The following WDR41 variants were observed in gnomAD, a reference collection of about 807,000 sequenced individuals.
WDR41 encodes WD repeat-containing protein 41.
Under a neutral mutation model 69.3 loss-of-function variants are expected in WDR41, and 63 were observed. The observed-to-expected ratio is 0.91, with a 90% CI of 0.74 to 1.12. WDR41 has a LOEUF of 1.12. Among genes scored for constraint, WDR41 ranks in the 50% most tolerant of loss-of-function variants. The pLI is 0.00. For missense variants in WDR41, 543 were observed against 534.5 expected, an observed-to-expected ratio of 1.02 and a Z score of -0.16; for synonymous variants, 185 against 192.1, an observed-to-expected ratio of 0.96 and a Z score of 0.31.
chr5:77,432,685 A>T lies in WDR41; in HGVS notation c.*450T>A, dbSNP rs16874264. On this transcript the variant is annotated 3_prime_UTR_variant, in exon 13 of 13. Transcript: ENST00000296679. ...GTATATATGTTCCCTTTTTTGGCTG[A>T]GAGATTCAAGTTTGTGCTATATAGA... 0.055 allele frequency: 8,452 copies of T among 152,720 alleles called. 754 individuals are homozygous for T. The highest frequency in any genetic ancestry group is 0.19 in the African/African-American group (7,797 of 41,528). 9.5% of individuals were successfully genotyped at this position (152,720 alleles called of 1,614,324 possible). A position where few individuals can be genotyped will look rare whatever the true frequency, so the allele number is the denominator to read the frequency against.
upstream of WDR41, among the ~76,000 whole-genome samples, chr5:77,495,860 A>G (rs1343819243): frequency 1.3e-5 from 2 of 152,216 alleles, no homozygotes; most frequent in East Asian, 3.9e-4. Flanking sequence ...AGATGAAAAA[A>G]ATCTTTGACA....
chr5:77,571,530 C>T (rs1743732261), intron 1 of WDR41, among the ~76,000 whole-genome samples: 2 of 152,124 alleles, frequency 1.3e-5, no homozygotes, highest in African/African-American at 4.8e-5. Context: ...TCCCAAGTTT[C>T]CTCAGCTAGC....
At chr5:77,610,677 A>T (rs1448338224) in intron 1 of WDR41, among the ~76,000 whole-genome samples, 1 of 152,246 alleles carries the variant, frequency 6.6e-6, no homozygotes, top group South Asian at 2.1e-4. Context: ...GAAAGGAACA[A>T]CCAGTACAAG....
chr5:77,557,884 A>C (rs778872337), intron 1 of WDR41, among the ~76,000 whole-genome samples: 4 of 152,208 alleles, frequency 2.6e-5, no homozygotes, highest in Non-Finnish European at 4.4e-5. Context: ...TTATAGTAGA[A>C]GCAATGAAGT....
intron 1 of WDR41, among the ~76,000 whole-genome samples, chr5:77,522,427 G>T (rs558155257): frequency 1.3e-5 from 2 of 152,194 alleles, no homozygotes; most frequent in South Asian, 2.1e-4. Flanking sequence ...GGATCACAAG[G>T]TCAGGAGATT....
chr5:77,517,327 T>A (rs1387872451), intron 1 of WDR41, among the ~76,000 whole-genome samples: 1 of 152,050 alleles, frequency 6.6e-6, no homozygotes, highest in East Asian at 1.9e-4. Flanking sequence ...ACAAATCTCA[T>A]CAACTTCTAA....
At chr5:77,515,280 G>C (rs1452109285) in intron 1 of WDR41, among the ~76,000 whole-genome samples, 1 of 151,516 alleles carries the variant, frequency 6.6e-6, no homozygotes, top group African/African-American at 2.4e-5. Flanking sequence ...AAATGTTTTT[G>C]TTAAAAACTA....
At chr5:77,458,943 G>A in intron 5 of WDR41, 119 bp downstream of exon 5, 1 of 666,716 alleles carries the variant, frequency 1.5e-6, no homozygotes, top group Non-Finnish European at 2.6e-6. Context: ...ATGACTACAA[G>A]TGTGTGGAAA....
rs1302388241 is a variant in WDR41, at chr5:77,433,049, A to C, written c.*86T>G. On this transcript the variant is annotated 3_prime_UTR_variant, in exon 13 of 13. Coordinates refer to ENST00000296679, the MANE Select transcript of WDR41 (RefSeq NM_018268.4). ...GACTGACAAAAAAAATTACCAATTT[A>C]AGTGATCAATATATTAATGGTTTTC... 7.3e-7 allele frequency: 1 copy of C among 1,373,974 alleles called. No individual in the cohort carries two copies. Among genetic ancestry groups the C allele is most frequent in the Middle Eastern group, 2.6e-4 (1 of 3,818 alleles). The allele number at this position is 1,373,974 out of a possible 1,614,324, so 85.1% of individuals were successfully genotyped here. A position where few individuals can be genotyped will look rare whatever the true frequency, so the allele number is the denominator to read the frequency against.
chr5:77,436,610 C>T (rs1798945055), intron 11 of WDR41, among the ~76,000 whole-genome samples: 1 of 152,166 alleles, frequency 6.6e-6, no homozygotes, highest in Admixed American at 6.5e-5. Context: ...TGCCCCTAGT[C>T]ACCCACTGGT....
chr5:77,597,996 G>A (rs773123747), intron 1 of WDR41, among the ~76,000 whole-genome samples: 1 of 152,082 alleles, frequency 6.6e-6, no homozygotes, highest in East Asian at 1.9e-4. Context: ...AATGAAATTG[G>A]GCAGTGACTT....
intron 2 of WDR41, among the ~76,000 whole-genome samples, chr5:77,478,145 T>C (rs1218434066): frequency 2.0e-5 from 3 of 152,178 alleles, no homozygotes; most frequent in African/African-American, 4.8e-5. Flanking sequence ...AATCTCTGAA[T>C]AGACCAATAA....
chr5:77,567,308 C>T (rs1743651648), intron 1 of WDR41, among the ~76,000 whole-genome samples: 1 of 152,134 alleles, frequency 6.6e-6, no homozygotes, highest in Admixed American at 6.6e-5. Flanking sequence ...AAGTGACTGG[C>T]TTGCATTTCA....
intron 1 of WDR41, among the ~76,000 whole-genome samples, chr5:77,497,744 G>A (rs1371671953): frequency 2.0e-5 from 3 of 152,030 alleles, no homozygotes; most frequent in Non-Finnish European, 2.9e-5. Flanking sequence ...TCCACCTCTA[G>A]GCATATATCT....
chr5:77,528,454 C>G (rs1247164032), intron 1 of WDR41, among the ~76,000 whole-genome samples: 1 of 151,566 alleles, frequency 6.6e-6, no homozygotes, highest in East Asian at 1.9e-4. Flanking sequence ...ACCAAACAGT[C>G]AAGGAAGAAA....
At chr5:77,474,431 TA>T (rs201227154) in intron 2 of WDR41, among the ~76,000 whole-genome samples, 9,869 of 152,020 alleles carry the variant, frequency 0.065, 578 homozygotes, top group African/African-American at 0.15. Flanking sequence ...AAACTTAAAG[TA>T]TAACAACAAA....
Position 77,546,303 on chromosome 5 carries a change from GA to G in WDR41, c.43-56732del, listed in dbSNP as rs984268914. The G allele has an allele frequency of 2.0e-3, 500 of 247,568 alleles. 1 individual carries two copies. The highest frequency in any genetic ancestry group is 2.6e-3 in the Middle Eastern group (2 of 778). 15.3% of individuals were successfully genotyped at this position (247,568 alleles called of 1,614,324 possible). ...AAGAAAAATAAAGTGAATGAAGCTTGAAAAAAAAAAGATAAATCAAACAAAA... is the reference window on the plus strand; with the variant it reads ...AAGAAAAATAAAGTGAATGAAGCTTGAAAAAAAAAGATAAATCAAACAAAA... On this transcript the variant is annotated intron_variant, in intron 1 of 5. Transcript: ENST00000509971.
intron 1 of WDR41, among the ~76,000 whole-genome samples, chr5:77,557,939 A>G (rs1335724730): frequency 6.6e-6 from 1 of 152,138 alleles, no homozygotes; most frequent in Non-Finnish European, 1.5e-5. Context: ...ATAAAGGCCA[A>G]AAACATGCAA....
At chr5:77,480,038 G>T (rs1801148367) in intron 2 of WDR41, 1 of 151,854 alleles carries the variant, frequency 6.6e-6, no homozygotes, top group African/African-American at 2.4e-5. Context: ...CTTCTCAAAA[G>T]AAGACATTTA....
Sources: gnomAD v4.1 joint callset for allele counts (sites outside exome capture counted in the v4.1 genomes callset) on GRCh38, gnomAD v4.1.1 for gene constraint, MANE v1.5 for transcripts, NCBI Gene and HGNC (gene_info 2026-07-23, HGNC 2026-07-21) for gene names.